CSTF2: variants seen among roughly 807,000 people sequenced by gnomAD.
CSTF2 encodes the protein cleavage stimulation factor subunit 2.
CSTF2 carries 8 observed loss-of-function variants against 45.4 expected under a neutral mutation model. The ratio of observed to expected loss-of-function variants is 0.18; its 90% CI spans 0.10 to 0.32. The LOEUF is 0.32. CSTF2 is among the 10% of genes least tolerant of loss of function. The probability of loss-of-function intolerance (pLI) is 1.00; values close to 1 mark genes in which losing one functional copy is unlikely to be tolerated. For missense variants in CSTF2, 253 were observed against 477.1 expected, an observed-to-expected ratio of 0.53 and a Z score of 4.38; for synonymous variants, 155 against 158.9, an observed-to-expected ratio of 0.98 and a Z score of 0.18.
intron 1 of CSTF2, chrX:100,820,690 A>G (rs2084913622): frequency 5.8e-6 from 3 of 513,746 alleles, no homozygotes; most frequent in Non-Finnish European, 1.1e-5. Context: ...AAGTTAGACT[A>G]GCGTTCAGCT....
intron 11 of CSTF2, among the ~76,000 whole-genome samples, chrX:100,834,460 TC>T (rs1444709624): frequency 8.9e-6 from 1 of 112,292 alleles, no homozygotes; most frequent in Non-Finnish European, 1.9e-5. Flanking sequence ...ACTTTACTAC[TC>T]TGTCCTGTTA....
chrX:100,838,296 C>G lies in CSTF2; in HGVS notation c.1669C>G (p.Pro557Ala). 8.3e-7 allele frequency: 1 copy of G among 1,204,347 alleles called. No individual in the cohort carries two copies. The highest frequency in any genetic ancestry group is 2.2e-5 in the Admixed American group (1 of 45,472). ...TGCAGACCAGATTGCCATGTTGCCT[C>G]CTGAGCAAAGGCAGAGTATCCTGAT... is the stretch of plus-strand genomic sequence containing the variant. ...LTADQIAMLPPEQRQSILILK... is the reference protein window; with the variant it reads ...LTADQIAMLPAEQRQSILILK... Residue 557 changes from proline to alanine, a missense_variant, in exon 13 of 14, where the codon CCT (proline) becomes GCT (alanine). By Grantham distance (27) the Pro-to-Ala change is conservative. This residue lies in a region of CSTF2 where 8 missense variants were observed against 35.5 expected (regional missense o/e 0.23). Transcript: ENST00000372972.
At chrX:100,834,286 A>G (rs1458593452) in intron 11 of CSTF2, among the ~76,000 whole-genome samples, 1 of 110,912 alleles carries the variant, frequency 9.0e-6, no homozygotes, top group Non-Finnish European at 1.9e-5. Context: ...GTCTGTGTGT[A>G]TGAGAGAGAG....
chrX:100,822,541 TTGAC>T, intron 3 of CSTF2, 121 bp downstream of exon 3: 3 of 678,644 alleles, frequency 4.4e-6, no homozygotes, highest in Non-Finnish European at 6.7e-6. Flanking sequence ...TGTTTATTAC[TTGAC>T]TGACCTGATG....
intron 13 of CSTF2, 133 bp from the exon 14 acceptor site, chrX:100,840,581 G>C (rs908373509): frequency 3.6e-5 from 4 of 111,474 alleles, no homozygotes; most frequent in Non-Finnish European, 7.5e-5. Context: ...CAGATACTTT[G>C]CAAATCTGTC....
chrX:100,825,487 TATAAG>T (rs759265526), intron 6 of CSTF2, among the ~76,000 whole-genome samples: 10 of 111,937 alleles, frequency 8.9e-5, no homozygotes, highest in South Asian at 3.7e-4. Flanking sequence ...TATGTAATGT[TATAAG>T]ATAATGTAAA....
At chrX:100,825,071 A>G (rs1252268754) in intron 6 of CSTF2, among the ~76,000 whole-genome samples, 1 of 112,500 alleles carries the variant, frequency 8.9e-6, no homozygotes, top group Non-Finnish European at 1.9e-5. Flanking sequence ...TGTAGGATAT[A>G]TGTTTCTGCA....
At chrX:100,838,154 A>G in intron 12 of CSTF2, 85 bp from the exon 13 acceptor site, 1 of 962,770 alleles carries the variant, frequency 1.0e-6, no homozygotes, top group Admixed American at 3.5e-5. Context: ...TTTGGACAGA[A>G]GCTGGTGGTG....
rs201781642 is a variant in CSTF2 at position 100,838,136 on chromosome X, A to G, written c.1612-103A>G. On this transcript the variant is annotated intron_variant, in intron 12 of 13. Transcript: ENST00000372972. ...TCCATTTTGCTTCATATCCCACTACAGTAGCTTTTTGGACAGAAGCTGGTG... is the reference window on the plus strand; with the variant it reads ...TCCATTTTGCTTCATATCCCACTACGGTAGCTTTTTGGACAGAAGCTGGTG... The G allele has an allele frequency of 1.1e-4, 93 of 864,708 alleles. No homozygotes were observed. In the East Asian group the frequency reaches 3.4e-3, roughly 31 times the overall value. The allele number at this position is 864,708 out of a possible 1,213,427, so 71.3% of individuals were successfully genotyped here. A position where few individuals can be genotyped will look rare whatever the true frequency, so the allele number is the denominator to read the frequency against.
At chrX:100,829,232 G>C (rs946091234) in intron 8 of CSTF2, among the ~76,000 whole-genome samples, 1 of 112,028 alleles carries the variant, frequency 8.9e-6, no homozygotes, top group African/African-American at 3.3e-5. Flanking sequence ...GCTCATGCCT[G>C]TAATCCCAGC....
chrX:100,826,700 C>A lies in CSTF2; in HGVS notation c.769C>A (p.Pro257Thr). 8.3e-7 allele frequency: 1 copy of A among 1,210,260 alleles called. No individual in the cohort carries two copies. The highest frequency in any genetic ancestry group is 1.1e-6 in the Non-Finnish European group (1 of 894,515). ...TTCTATGCAGGGTGGAGTTCCAGCACCAGGGCAAATGCCAGCTGCTGTCAC... is the reference window on the plus strand; with the variant it reads ...TTCTATGCAGGGTGGAGTTCCAGCAACAGGGCAAATGCCAGCTGCTGTCAC... ...QASMQGGVPA[P>T]GQMPAAVTGP... The change falls in exon 7 of 14, where the codon CCA becomes ACA. Residue 257 changes from proline to threonine, a missense_variant. Physicochemically the swap from Pro to Thr is conservative, Grantham distance 38. This residue lies in a region of CSTF2 where 200 missense variants were observed against 294.0 expected (regional missense o/e 0.68). Transcript: ENST00000372972.
intron 11 of CSTF2, among the ~76,000 whole-genome samples, chrX:100,834,623 C>T (rs2084996880): frequency 8.9e-6 from 1 of 111,954 alleles, no homozygotes; most frequent in Non-Finnish European, 1.9e-5. Context: ...TTTTATTGTA[C>T]TCTCTATGGT....
intron 1 of CSTF2, among the ~76,000 whole-genome samples, chrX:100,821,326 A>G (rs1430406963): frequency 8.9e-6 from 1 of 112,518 alleles, no homozygotes; most frequent in Non-Finnish European, 1.9e-5. Flanking sequence ...CAGTCTGAGA[A>G]CTAACATTTG....
intron 12 of CSTF2, 103 bp from the exon 13 acceptor site, chrX:100,838,136 A>C (rs201781642): frequency 1.2e-6 from 1 of 867,036 alleles, no homozygotes; most frequent in Middle Eastern, 4.8e-4. Context: ...ATCCCACTAC[A>C]GTAGCTTTTT....
At chrX:100,821,822 AGT>A (rs777516847) in intron 2 of CSTF2, among the ~76,000 whole-genome samples, 33 of 112,563 alleles carry the variant, frequency 2.9e-4, no homozygotes, top group Non-Finnish European at 5.6e-4. Flanking sequence ...GGCAGGGCAT[AGT>A]GACTCAAGCC....
chrX:100,838,628 G>A (rs1363288635), intron 13 of CSTF2, among the ~76,000 whole-genome samples: 1 of 111,808 alleles, frequency 8.9e-6, no homozygotes, highest in African/African-American at 3.2e-5. Flanking sequence ...ATACAGAAAT[G>A]TAGAAGGTGA....
At position 100,826,656 on chromosome X, in the gene CSTF2, C is replaced by T. The variant is rs761627143; in HGVS notation, c.725C>T (p.Ala242Val). The T allele has an allele frequency of 1.7e-6, 2 of 1,210,388 alleles. No homozygotes were observed. Among genetic ancestry groups the T allele is most frequent in the Admixed American group, 4.3e-5 (2 of 45,982 alleles). Reference sequence around the variant, plus strand: ...CAGGGTGGAATGCATGTCAATGGCGCACCTCCTCTGATGCAAGCTTCTATG... The same window carrying T: ...CAGGGTGGAATGCATGTCAATGGCGTACCTCCTCTGATGCAAGCTTCTATG... ...QSLGGMHVNG[A>V]PPLMQASMQG... Residue 242 changes from alanine (A) to valine (V), a missense_variant, in exon 7 of 14, where the codon GCA becomes GTA. Transcript: ENST00000372972.
intron 12 of CSTF2, among the ~76,000 whole-genome samples, chrX:100,838,032 C>T (rs2085019061): frequency 9.0e-6 from 1 of 111,273 alleles, no homozygotes; most frequent in African/African-American, 3.3e-5. Flanking sequence ...TGTACCTTTT[C>T]TCACCAGTTT....
Position 100,822,054 on chromosome X carries a change from C to G in CSTF2, c.138-197C>G, listed in dbSNP as rs747035605. ...ATAGCAGTGAGCCAAGATCATGCCA[C>G]TGCACTCCAGCCTGGGCAACAGAGC... On this transcript the variant is annotated intron_variant, in intron 2 of 13. Coordinates refer to ENST00000372972, the MANE Select transcript of CSTF2 (RefSeq NM_001325.3). Among the ~76,000 whole-genome samples, 49 of 107,996 alleles carry G rather than the reference C, an allele frequency of 4.5e-4. No homozygotes were observed. In the South Asian group the frequency reaches 7.0e-3, roughly 15 times the overall value. 93.8% of individuals were successfully genotyped at this position (107,996 alleles called of 115,157 possible). A position where few individuals can be genotyped will look rare whatever the true frequency, so the allele number is the denominator to read the frequency against.
Sources: allele counts gnomAD v4.1 joint callset (sites outside exome capture counted in the v4.1 genomes callset), GRCh38; gene constraint gnomAD v4.1.1; regional missense constraint gnomAD v4.1.1; transcripts MANE v1.5; gene names NCBI Gene and HGNC (gene_info 2026-07-23, HGNC 2026-07-21).